SEMA6A: variants seen among roughly 807,000 people sequenced by gnomAD.
SEMA6A encodes semaphorin 6A, also known as semaphorin-6A.
SEMA6A carries 25 observed loss-of-function variants against 96.8 expected under a neutral mutation model. The observed-to-expected ratio is 0.26, with a 90% CI of 0.19 to 0.36. SEMA6A has a LOEUF of 0.36. SEMA6A is among the 10% of genes least tolerant of loss of function. SEMA6A has a pLI of 1.00. For missense variants in SEMA6A, 1,363 were observed against 1,323.1 expected, an observed-to-expected ratio of 1.03 and a Z score of -0.47; for synonymous variants, 612 against 518.0, an observed-to-expected ratio of 1.18 and a Z score of -2.46.
intron 1 of SEMA6A, among the ~76,000 whole-genome samples, chr5:116,529,759 A>G (rs1025478699): frequency 6.6e-5 from 10 of 152,180 alleles, no homozygotes; most frequent in Non-Finnish European, 1.3e-4. Context: ...CAAATACTGC[A>G]TGTTCTCACT....
At position 116,502,270 on chromosome 5, in the gene SEMA6A, C is replaced by T; in HGVS notation, c.158G>A (p.Arg53Lys). 9 of 1,613,970 alleles carry T rather than the reference C, an allele frequency of 5.6e-6. No individual in the cohort carries two copies. The highest frequency in any genetic ancestry group is 7.6e-6 in the Non-Finnish European group (9 of 1,179,872). Residue 53 changes from arginine (R) to lysine (K), a missense_variant, in exon 3 of 19, where the codon AGG becomes AAG. Arg to Lys is a conservative substitution (Grantham distance 26, BLOSUM62 2). This residue lies in a region of SEMA6A where 480 missense variants were observed against 559.5 expected (regional missense o/e 0.86). Coordinates refer to ENST00000343348, the MANE Select transcript of SEMA6A (RefSeq NM_020796.5). Reference sequence around the variant, plus strand: ...AATCATCTGGATGTCCAGCCTGTGCCTCTGTGTGGTGTTCCGTCCTGGCTT... The same window carrying T: ...AATCATCTGGATGTCCAGCCTGTGCTTCTGTGTGGTGTTCCGTCCTGGCTT... ...GHKPGRNTTQRHRLDIQMIMI... is the reference protein window; with the variant it reads ...GHKPGRNTTQKHRLDIQMIMI...
chr5:116,489,008 C>T lies in SEMA6A; in HGVS notation c.536-1G>A, dbSNP rs1757201467. On this transcript the variant is annotated splice_acceptor_variant, in intron 7 of 18. Coordinates refer to ENST00000343348, the MANE Select transcript of SEMA6A (RefSeq NM_020796.5). LOFTEE classifies it high-confidence loss of function. ...ACTGTGGCTGAGTATAGTTTTCCAT[C>T]TTAGAAGAAAAAGAAAAGAGGTGAA... The T allele has an allele frequency of 6.4e-7, 1 of 1,560,222 alleles. No individual in the cohort carries two copies. The highest frequency in any genetic ancestry group is 1.9e-5 in the Admixed American group (1 of 51,956).
Position 116,443,854 on chromosome 5 carries a change from G to C in SEMA6A, c.*2759C>G, listed in dbSNP as rs1754035670. 6.6e-6 allele frequency: 1 copy of C among 152,612 alleles called. No individual in the cohort carries two copies. The highest frequency in any genetic ancestry group is 2.1e-4 in the South Asian group (1 of 4,828). The allele number at this position is 152,612 out of a possible 1,614,324, so 9.5% of individuals were successfully genotyped here. On this transcript the variant is annotated 3_prime_UTR_variant, in exon 19 of 19. Transcript: ENST00000343348. ...ACACACAGTGGGGAAAAAAACTGGG[G>C]AGAAATACTTAAATGCAGAAGACCA... is the stretch of plus-strand genomic sequence containing the variant.
At chr5:116,493,640 G>A (rs555681641) in intron 6 of SEMA6A, among the ~76,000 whole-genome samples, 1 of 152,190 alleles carries the variant, frequency 6.6e-6, no homozygotes, top group South Asian at 2.1e-4. Flanking sequence ...AGTGTAAGAT[G>A]GAAGATAAGT....
intron 3 of SEMA6A, chr5:116,498,744 T>C (rs1179273982): frequency 3.3e-5 from 5 of 152,228 alleles, no homozygotes; most frequent in Admixed American, 1.3e-4. Context: ...CTTGACTTTA[T>C]TGGTGGTGCT....
chr5:116,558,326 T>C (rs1455399652), intron 1 of SEMA6A, among the ~76,000 whole-genome samples: 1 of 152,250 alleles, frequency 6.6e-6, no homozygotes, highest in East Asian at 1.9e-4. Context: ...GGGATACATG[T>C]GCTGAATGTG....
At position 116,482,641 on chromosome 5, in the gene SEMA6A, C is replaced by A. The variant is rs188624332; in HGVS notation, c.963-66G>T. ...GGTTATGCATGTGGTTTGGAACATA[C>A]TCCAGAGAAACTTTCCTGGTACAGC... On this transcript the variant is annotated intron_variant, in intron 10 of 18. Coordinates refer to ENST00000343348, the MANE Select transcript of SEMA6A (RefSeq NM_020796.5). 2.7e-3 allele frequency: 4,125 copies of A among 1,553,464 alleles called. 5 individuals carry two copies. Among genetic ancestry groups the A allele is most frequent in the Non-Finnish European group, 3.3e-3 (3,781 of 1,133,566 alleles).
chr5:116,477,604 C>G (rs1195229579), intron 15 of SEMA6A, among the ~76,000 whole-genome samples: 1 of 152,216 alleles, frequency 6.6e-6, no homozygotes, highest in African/African-American at 2.4e-5. Flanking sequence ...CATTGAAGCC[C>G]ACTGTGTTTC....
Position 116,446,700 on chromosome 5 carries a change from A to C in SEMA6A, c.3006T>G (p.Arg1002=). Reference sequence around the variant, plus strand: ...GTACGTCCGGCTTTAGCGAGGGCGTACGCTTCAGCCCCGACCTTGTCAGTG... The same window carrying C: ...GTACGTCCGGCTTTAGCGAGGGCGTCCGCTTCAGCCCCGACCTTGTCAGTG... ...YNSLTRSGLK[R]TPSLKPDVPP... The change falls in exon 19 of 19, where the codon CGT becomes CGG. Residue 1002 remains arginine, a synonymous_variant. Coordinates refer to ENST00000343348, the MANE Select transcript of SEMA6A (RefSeq NM_020796.5). 6.3e-7 allele frequency: 1 copy of C among 1,587,370 alleles called. No homozygotes were observed. The highest frequency in any genetic ancestry group is 8.6e-7 in the Non-Finnish European group (1 of 1,165,902).
At chr5:116,503,226 G>A (rs1230712248) in intron 2 of SEMA6A, among the ~76,000 whole-genome samples, 1 of 152,144 alleles carries the variant, frequency 6.6e-6, no homozygotes, top group Non-Finnish European at 1.5e-5. Flanking sequence ...GGGTGGGGGT[G>A]TAAATGATGA....
chr5:116,566,404 GTATC>G, intron 1 of SEMA6A, among the ~76,000 whole-genome samples: 1 of 152,324 alleles, frequency 6.6e-6, no homozygotes, highest in East Asian at 1.9e-4. Flanking sequence ...GCATGAGGAA[GTATC>G]TATTACTAAC....
chr5:116,513,146 C>T (rs1758499366), intron 1 of SEMA6A, among the ~76,000 whole-genome samples: 1 of 151,572 alleles, frequency 6.6e-6, no homozygotes, highest in South Asian at 2.1e-4. Context: ...TTTTCCCCCG[C>T]GACGGAGTTT....
chr5:116,535,388 T>C (rs1345194710), intron 1 of SEMA6A, among the ~76,000 whole-genome samples: 1 of 152,146 alleles, frequency 6.6e-6, no homozygotes, highest in African/African-American at 2.4e-5. Context: ...TGGGTGGAGA[T>C]AAATAGAAAC....
At chr5:116,472,271 C>G (rs1407068807) in intron 17 of SEMA6A, 3 of 152,154 alleles carry the variant, frequency 2.0e-5, no homozygotes. Context: ...TATTTCAGAC[C>G]AAGAACAATG....
At chr5:116,570,921 C>G (rs1761184250) in intron 1 of SEMA6A, among the ~76,000 whole-genome samples, 1 of 152,202 alleles carries the variant, frequency 6.6e-6, no homozygotes, top group Non-Finnish European at 1.5e-5. Context: ...TCTTGCTACA[C>G]TTCTGATTCA....
chr5:116,480,086 G>A (rs1363779339), intron 12 of SEMA6A, 36 bp downstream of exon 12: 3 of 1,607,556 alleles, frequency 1.9e-6, no homozygotes, highest in Non-Finnish European at 2.6e-6. Context: ...GATGAAGTTA[G>A]GAAATCCATC....
At chr5:116,478,195 C>T (rs1756561600) in intron 13 of SEMA6A, 41 bp from the exon 14 acceptor site, 1 of 1,598,928 alleles carries the variant, frequency 6.3e-7, no homozygotes, top group Non-Finnish European at 8.5e-7. Context: ...ATAGACTCTT[C>T]TCTTTTTCTC....
At chr5:116,456,595 G>T (rs1755025231) in intron 18 of SEMA6A, among the ~76,000 whole-genome samples, 1 of 152,186 alleles carries the variant, frequency 6.6e-6, no homozygotes, top group Non-Finnish European at 1.5e-5. Context: ...CTGAAACAAT[G>T]CTTGTGGTCT....
chr5:116,505,457 GCGCACACA>G (rs1315316339), intron 1 of SEMA6A, among the ~76,000 whole-genome samples: 4 of 143,726 alleles, frequency 2.8e-5, no homozygotes, highest in South Asian at 4.4e-4. Flanking sequence ...ACACACGCAC[GCGCACACA>G]CACACACACA....
Sources: gnomAD v4.1 joint callset for allele counts (sites outside exome capture counted in the v4.1 genomes callset) on GRCh38, gnomAD v4.1.1 for gene constraint, gnomAD v4.1.1 regional missense constraint, MANE v1.5 for transcripts, NCBI Gene and HGNC (gene_info 2026-07-23, HGNC 2026-07-21) for gene names.